Variants in RXRA observed in about 807,000 individuals in gnomAD.
The protein encoded by RXRA is retinoic acid receptor RXR-alpha.
A neutral mutation model predicts 44.5 loss-of-function variants in RXRA; 5 were observed. The ratio of observed to expected loss-of-function variants is 0.11; its 90% confidence interval spans 0.06 to 0.24. RXRA has a LOEUF of 0.24. Ranked by LOEUF, RXRA falls within the 10% of genes least tolerant of loss-of-function variation. RXRA has a pLI of 1.00. For synonymous variants in RXRA, 291 were observed against 271.4 expected (o/e 1.07, Z -0.71); for missense variants, 412 against 646.5 (o/e 0.64, Z 3.93).
At chr9:134,403,770 G>C (rs1831003574) in intron 2 of RXRA, 1 of 152,538 alleles carries the variant, frequency 6.6e-6, no homozygotes, top group Middle Eastern at 3.1e-3. Context: ...CTGGCACAAA[G>C]TAGGGACTTG....
chr9:134,410,710 G>C (rs867830935), intron 4 of RXRA, among the ~76,000 whole-genome samples: 11 of 151,812 alleles, frequency 7.2e-5, no homozygotes, highest in Admixed American at 6.5e-5. Context: ...TGGAGCTGGG[G>C]GGGGAAGGCC....
intron 1 of RXRA, among the ~76,000 whole-genome samples, chr9:134,370,382 A>G (rs964075431): frequency 5.9e-5 from 9 of 152,154 alleles, no homozygotes; most frequent in Non-Finnish European, 1.2e-4. Context: ...GGCTGGTTCC[A>G]AGGCCTTTCT....
Position 134,401,878 on chromosome 9 carries a change from C to T in RXRA, c.275C>T (p.Pro92Leu), listed in dbSNP as rs372011246. 1.2e-6 allele frequency: 2 copies of T among 1,608,044 alleles called. No individual in the cohort carries two copies. The highest frequency in any genetic ancestry group is 1.7e-6 in the Non-Finnish European group (2 of 1,176,678). Residue 92 changes from proline to leucine, a missense_variant, in exon 2 of 10, where the codon CCC (proline) becomes CTC (leucine). Physicochemically the swap from Pro to Leu is moderately conservative, Grantham distance 98 (BLOSUM62 -3). Around this residue, in one of 4 missense-constraint regions of RXRA, gnomAD observed 156 missense variants for 177.2 expected, o/e 0.88. Transcript: ENST00000481739. ...ACCCTGGGCTTCAGCACTGGCAGCC[C>T]CCAGGTGAGTGCGGGGCTGGGGCAA... ...TPTLGFSTGSPQLSSPMNPVS... is the reference protein window; with the variant it reads ...TPTLGFSTGSLQLSSPMNPVS...
intron 1 of RXRA, chr9:134,379,672 A>G: frequency 1.0e-6 from 1 of 985,238 alleles, no homozygotes; most frequent in Non-Finnish European, 1.2e-6. Flanking sequence ...CCTGGGAGGT[A>G]GCAGGACAGC....
At chr9:134,369,396 G>T in intron 1 of RXRA, among the ~76,000 whole-genome samples, 1 of 114,690 alleles carries the variant, frequency 8.7e-6, no homozygotes, top group Admixed American at 9.5e-5. Flanking sequence ...GAGTACAGGG[G>T]TTGTGTGTGT....
intron 9 of RXRA, among the ~76,000 whole-genome samples, chr9:134,434,738 A>G (rs999146629): frequency 2.0e-5 from 3 of 152,204 alleles, no homozygotes; most frequent in Non-Finnish European, 2.9e-5. Flanking sequence ...CTGGGTGCAC[A>G]GTAGGTGTCC....
chr9:134,431,839 T>TG, intron 7 of RXRA, 66 bp from the exon 8 acceptor site: 1 of 1,292,782 alleles, frequency 7.7e-7, no homozygotes, highest in South Asian at 1.2e-5. Flanking sequence ...CTTGGGTATC[T>TG]GGGGTGTGGC....
intron 1 of RXRA, among the ~76,000 whole-genome samples, chr9:134,399,724 T>C (rs7040434): frequency 0.13 from 20,350 of 152,266 alleles, 4,468 homozygotes; most frequent in African/African-American, 0.46. Flanking sequence ...TTCCCAATAT[T>C]GTGAATGATG....
intron 2 of RXRA, 107 bp from the exon 3 acceptor site, chr9:134,408,042 T>G: frequency 7.6e-6 from 6 of 785,948 alleles, no homozygotes; most frequent in Non-Finnish European, 1.0e-5. Flanking sequence ...TCGGTGTCTG[T>G]GTGTGAAGTT....
At chr9:134,392,201 G>A (rs1025033371) in intron 1 of RXRA, among the ~76,000 whole-genome samples, 6 of 152,208 alleles carry the variant, frequency 3.9e-5, no homozygotes, top group African/African-American at 9.7e-5. Flanking sequence ...CTTTGGTCAC[G>A]CCCTTTCCGT....
intron 7 of RXRA, among the ~76,000 whole-genome samples, chr9:134,430,536 G>A (rs571093035): frequency 6.6e-6 from 1 of 152,350 alleles, no homozygotes; most frequent in South Asian, 2.1e-4. Context: ...AGTGCAAAAG[G>A]GTTTGTGGCC....
rs141681112 is a variant in RXRA at position 134,348,072 on chromosome 9, G to C, written c.28+21413G>C. ...CAGCTGTGGCCAACAGGCCGGGAGA[G>C]AGGGCTTGGGGTGACCATGTGGTTT... On this transcript the variant is annotated intron_variant, in intron 1 of 9. Coordinates refer to ENST00000481739, the MANE Select transcript of RXRA (RefSeq NM_002957.6). 1.2e-4 allele frequency among the ~76,000 whole-genome samples: 18 copies of C among 152,328 alleles called. No homozygotes were observed. The East Asian group carries it at 3.5e-3, about 29-fold the overall frequency.
At chr9:134,332,630 G>T (rs574258871) in intron 1 of RXRA, among the ~76,000 whole-genome samples, 9 of 152,138 alleles carry the variant, frequency 5.9e-5, no homozygotes, top group Non-Finnish European at 1.2e-4. Flanking sequence ...ACCAGGAGGG[G>T]GTTCACGTGT....
chr9:134,350,572 G>T (rs532784719), intron 1 of RXRA, among the ~76,000 whole-genome samples: 2 of 152,220 alleles, frequency 1.3e-5, no homozygotes, highest in African/African-American at 4.8e-5. Flanking sequence ...CATGAGGACT[G>T]TGTGGGCCTC....
At chr9:134,367,162 C>T (rs931606526) in intron 1 of RXRA, among the ~76,000 whole-genome samples, 1 of 152,334 alleles carries the variant, frequency 6.6e-6, no homozygotes, top group East Asian at 1.9e-4. Flanking sequence ...ACCAACCCCC[C>T]AAAAGAAGCC....
chr9:134,393,268 G>A (rs1383417752), intron 1 of RXRA, among the ~76,000 whole-genome samples: 1 of 152,234 alleles, frequency 6.6e-6, no homozygotes, highest in African/African-American at 2.4e-5. Flanking sequence ...ACACAACCAG[G>A]AGGCTGGGTC....
intron 8 of RXRA, among the ~76,000 whole-genome samples, 193 bp downstream of exon 8, chr9:134,432,189 G>A (rs1005764576): frequency 6.6e-6 from 1 of 152,032 alleles, no homozygotes; most frequent in African/African-American, 2.4e-5. Flanking sequence ...GGCCAGCCAA[G>A]GGGGCATGGT....
In RXRA at chr9:134,365,762, G is replaced by A. The variant is rs1431323721; in HGVS notation, c.29-35870G>A. Among the ~76,000 whole-genome samples, 1 of 150,050 alleles carries A rather than the reference G, an allele frequency of 6.7e-6. No individual in the cohort carries two copies. Among genetic ancestry groups the A allele is most frequent in the Non-Finnish European group, 1.5e-5 (1 of 67,358 alleles). ...TGGGTCTCGGTGGGGCCAGCTGTCGGTGGGTGAGGTGCCCCAGGGGAAGGG... is the reference window on the plus strand; with the variant it reads ...TGGGTCTCGGTGGGGCCAGCTGTCGATGGGTGAGGTGCCCCAGGGGAAGGG... On this transcript the variant is annotated intron_variant, in intron 1 of 9. Coordinates refer to ENST00000481739, the MANE Select transcript of RXRA (RefSeq NM_002957.6). This position sits in a 1 kb window ranked among gnomAD's most constrained non-coding sequence, Gnocchi z 4.0.
intron 7 of RXRA, among the ~76,000 whole-genome samples, chr9:134,430,665 G>T (rs971621549): frequency 9.9e-5 from 15 of 152,230 alleles, no homozygotes; most frequent in African/African-American, 3.6e-4. Context: ...GCAGGGTGCA[G>T]TGTGCAGTGT....
Sources: gnomAD v4.1 joint callset for allele counts (sites outside exome capture counted in the v4.1 genomes callset) on GRCh38, gnomAD v4.1.1 for gene constraint, gnomAD v4.1.1 regional missense constraint, Gnocchi (gnomAD v3.1) non-coding constraint, MANE v1.5 for transcripts, NCBI Gene and HGNC (gene_info 2026-07-23, HGNC 2026-07-21) for gene names.